Variants in TMEM132D observed in about 807,000 individuals in gnomAD.
TMEM132D encodes the protein transmembrane protein 132D.
Under a neutral mutation model 62.3 loss-of-function variants are expected in TMEM132D, and 21 were observed. The observed-to-expected ratio is 0.34, with a 90% CI of 0.24 to 0.49. The LOEUF (loss-of-function observed/expected upper bound fraction) is 0.49. TMEM132D is among the 20% of genes least tolerant of loss of function. The probability of loss-of-function intolerance (pLI) is 0.99; values close to 1 mark genes in which losing one functional copy is unlikely to be tolerated. For synonymous variants in TMEM132D, 621 were observed against 575.6 expected (o/e 1.08, Z -1.13); for missense variants, 1,346 against 1,402.8 (o/e 0.96, Z 0.65).
chr12:129,269,102 T>A (rs1241217301), intron 4 of TMEM132D, among the ~76,000 whole-genome samples: 2 of 151,940 alleles, frequency 1.3e-5, no homozygotes, highest in Admixed American at 1.3e-4. Context: ...CACACCAACA[T>A]GGCACATGTG....
At chr12:129,337,611 A>G (rs1869334278) in intron 4 of TMEM132D, 23 bp downstream of exon 4, 2 of 1,612,774 alleles carry the variant, frequency 1.2e-6, no homozygotes, top group Non-Finnish European at 1.7e-6. Context: ...CAGTTCTAAC[A>G]GCCCAGGGCG....
chr12:129,280,293 A>C lies in TMEM132D; in HGVS notation c.1299+57341T>G, dbSNP rs568977833. ...AGACATTTCATAAAAGGAGTGAAAG[A>C]CTGGTGGGATAATTTTAACATAAAG... On this transcript the variant is annotated intron_variant, in intron 4 of 8. Coordinates refer to ENST00000422113, the MANE Select transcript of TMEM132D (RefSeq NM_133448.3). Among the ~76,000 whole-genome samples the C allele has an allele frequency of 3.9e-5, 6 of 152,316 alleles. No individual in the cohort carries two copies. In the South Asian group the frequency reaches 1.2e-3, roughly 32 times the overall value.
At chr12:129,103,907 G>A (rs907464313) in intron 5 of TMEM132D, among the ~76,000 whole-genome samples, 4 of 152,152 alleles carry the variant, frequency 2.6e-5, no homozygotes, top group Admixed American at 1.3e-4. Context: ...CAAACAAATG[G>A]AAGAACATTC....
Position 129,801,030 on chromosome 12 carries a change from G to A in TMEM132D, c.80-100332C>T, listed in dbSNP as rs573258774. On this transcript the variant is annotated intron_variant, in intron 1 of 8. Transcript: ENST00000422113. ...GACGGGCTTAAAAAATGGCGCACCA[G>A]GAGATTATATCCCGCACCTGGCTCG... is the stretch of plus-strand genomic sequence containing the variant. Among the ~76,000 whole-genome samples the A allele has an allele frequency of 9.8e-4, 149 of 152,346 alleles. 1 individual carries two copies. Among genetic ancestry groups the A allele is most frequent in the African/African-American group, 3.3e-3 (138 of 41,574 alleles).
At chr12:129,437,218 T>C (rs1355364915) in intron 3 of TMEM132D, among the ~76,000 whole-genome samples, 3 of 152,170 alleles carry the variant, frequency 2.0e-5, no homozygotes, top group African/African-American at 4.8e-5. Context: ...GCCCTCTTTC[T>C]GCCAGTTGGG....
chr12:129,781,950 A>G (rs1187627611), intron 1 of TMEM132D, among the ~76,000 whole-genome samples: 1 of 152,168 alleles, frequency 6.6e-6, no homozygotes, highest in East Asian at 1.9e-4. Flanking sequence ...TCAAGATGCT[A>G]CCCTTTCTGC....
Position 129,074,881 on chromosome 12 carries a change from G to GTGCCTTGTCCTTCTGTTTCCGCAGCAA in TMEM132D, c.2267_2293dup (p.Ile756_Gly764dup). The GTGCCTTGTCCTTCTGTTTCCGCAGCAA allele has an allele frequency of 1.2e-6, 2 of 1,613,866 alleles. No individual in the cohort carries two copies. The highest frequency in any genetic ancestry group is 1.7e-6 in the Non-Finnish European group (2 of 1,180,004). ...AATAACCATTTCCACCTTGACCAGGGTGCCTTGTCCTTCTGTTTCCGCAGC... is the reference window on the plus strand; with the variant it reads ...AATAACCATTTCCACCTTGACCAGGGTGCCTTGTCCTTCTGTTTCCGCAGCAATGCCTTGTCCTTCTGTTTCCGCAGC... On this transcript the variant is annotated inframe_insertion, in exon 9 of 9. Transcript: ENST00000422113.
At chr12:129,079,928 C>T (rs1489360437) in intron 7 of TMEM132D, among the ~76,000 whole-genome samples, 10 of 152,154 alleles carry the variant, frequency 6.6e-5, no homozygotes, top group Admixed American at 6.5e-4. Flanking sequence ...CTTCCTCTTC[C>T]CTGACACCTG....
At chr12:129,447,858 C>G (rs1346240201) in intron 3 of TMEM132D, among the ~76,000 whole-genome samples, 2 of 152,176 alleles carry the variant, frequency 1.3e-5, no homozygotes, top group African/African-American at 2.4e-5. Context: ...GTGATGCCGG[C>G]TTAATCACTT....
chr12:129,240,265 T>C (rs1210953885), intron 4 of TMEM132D, among the ~76,000 whole-genome samples: 1 of 152,174 alleles, frequency 6.6e-6, no homozygotes, highest in Non-Finnish European at 1.5e-5. Flanking sequence ...TCTGCCTCAC[T>C]TTTATGCCGC....
chr12:129,468,320 T>C (rs1396162224), intron 3 of TMEM132D, among the ~76,000 whole-genome samples: 1 of 152,214 alleles, frequency 6.6e-6, no homozygotes, highest in Non-Finnish European at 1.5e-5. Flanking sequence ...TGACCCTGGC[T>C]GATTCCTTTG....
chr12:129,100,335 G>A (rs1258402350), intron 5 of TMEM132D, among the ~76,000 whole-genome samples: 1 of 152,188 alleles, frequency 6.6e-6, no homozygotes, highest in African/African-American at 2.4e-5. Context: ...ACCGTGCATG[G>A]CCAAACCCAC....
intron 1 of TMEM132D, among the ~76,000 whole-genome samples, chr12:129,781,225 T>A (rs1246263437): frequency 6.6e-6 from 1 of 152,156 alleles, no homozygotes; most frequent in Non-Finnish European, 1.5e-5. Flanking sequence ...TATGCATAAA[T>A]GTTTAGGTGG....
At chr12:129,393,824 T>G (rs1364219089) in intron 3 of TMEM132D, among the ~76,000 whole-genome samples, 1 of 152,066 alleles carries the variant, frequency 6.6e-6, no homozygotes, top group Non-Finnish European at 1.5e-5. Flanking sequence ...CAGTGACAGG[T>G]GTACAACAGA....
intron 3 of TMEM132D, among the ~76,000 whole-genome samples, chr12:129,491,117 C>T (rs1874781116): frequency 6.6e-6 from 1 of 152,106 alleles, no homozygotes; most frequent in African/African-American, 2.4e-5. Context: ...TGAATTTTCC[C>T]TTCTGGTACC....
At chr12:129,344,729 G>A (rs1869623610) in intron 3 of TMEM132D, among the ~76,000 whole-genome samples, 1 of 152,088 alleles carries the variant, frequency 6.6e-6, no homozygotes, top group East Asian at 1.9e-4. Flanking sequence ...TTTCTTGGTT[G>A]CTGTCTCTGT....
At chr12:129,297,182 G>C (rs1179646721) in intron 4 of TMEM132D, among the ~76,000 whole-genome samples, 1 of 152,176 alleles carries the variant, frequency 6.6e-6, no homozygotes, top group Non-Finnish European at 1.5e-5. Flanking sequence ...TGCCACAGTA[G>C]CAGGGGGCTG....
intron 1 of TMEM132D, among the ~76,000 whole-genome samples, chr12:129,836,763 C>G (rs1873019442): frequency 6.6e-6 from 1 of 152,080 alleles, no homozygotes; most frequent in Non-Finnish European, 1.5e-5. Flanking sequence ...AAATGACTCT[C>G]TAGGTGTGTG....
intron 5 of TMEM132D, among the ~76,000 whole-genome samples, chr12:129,158,779 T>C (rs1180981275): frequency 6.6e-6 from 1 of 152,200 alleles, no homozygotes; most frequent in Non-Finnish European, 1.5e-5. Context: ...ATGCTATAAA[T>C]ATACTGCCTG....
Sources: gnomAD v4.1 joint callset for allele counts (sites outside exome capture counted in the v4.1 genomes callset) on GRCh38, gnomAD v4.1.1 for gene constraint, MANE v1.5 for transcripts, NCBI Gene and HGNC (gene_info 2026-07-23, HGNC 2026-07-21) for gene names.